The following MAPRE2 variants were observed in gnomAD, a reference collection of about 807,000 sequenced individuals.
MAPRE2 encodes the protein microtubule-associated protein RP/EB family member 2.
In MAPRE2, 13 loss-of-function variants were observed where a neutral mutation model predicts 43.2. The ratio of observed to expected loss-of-function variants is 0.30; its 90% confidence interval spans 0.20 to 0.48. MAPRE2 has a LOEUF of 0.48. Among genes scored for constraint, MAPRE2 ranks in the 20% least tolerant of loss-of-function variants. The pLI is 0.99. For missense variants in MAPRE2, 161 were observed against 400.2 expected, an observed-to-expected ratio of 0.40 and a Z score of 5.10; for synonymous variants, 135 against 148.8, an observed-to-expected ratio of 0.91 and a Z score of 0.68.
intron 4 of MAPRE2, 81 bp downstream of exon 4, chr18:35,102,240 T>C: frequency 9.7e-7 from 1 of 1,026,350 alleles, no homozygotes; most frequent in Non-Finnish European, 1.4e-6. Context: ...TGTGTGTTTC[T>C]GACTGATTCT....
At chr18:35,048,757 A>C (rs998568309) in intron 1 of MAPRE2, among the ~76,000 whole-genome samples, 2 of 149,822 alleles carry the variant, frequency 1.3e-5, no homozygotes, top group Non-Finnish European at 3.0e-5. Flanking sequence ...AATGGTGAGA[A>C]CTGGGCATAT....
At chr18:34,977,295 T>G (rs2097013708) in intron 1 of MAPRE2, among the ~76,000 whole-genome samples, 1 of 152,046 alleles carries the variant, frequency 6.6e-6, no homozygotes, top group South Asian at 2.1e-4. Context: ...ACCCCGCCGC[T>G]CTCCCGCGGG....
At chr18:35,031,783 G>C (rs1189614384) in intron 2 of MAPRE2, among the ~76,000 whole-genome samples, 1 of 152,174 alleles carries the variant, frequency 6.6e-6, no homozygotes, top group Non-Finnish European at 1.5e-5. Flanking sequence ...GCAAAGACAA[G>C]TAATCTCAAA....
At chr18:35,133,022 C>G (rs1421592644) in intron 6 of MAPRE2, among the ~76,000 whole-genome samples, 1 of 152,152 alleles carries the variant, frequency 6.6e-6, no homozygotes, top group Non-Finnish European at 1.5e-5. Context: ...CAGGCTGATG[C>G]TAGTGGAAGT....
At chr18:35,067,727 A>G (rs906711307) in intron 1 of MAPRE2, among the ~76,000 whole-genome samples, 1 of 152,208 alleles carries the variant, frequency 6.6e-6, no homozygotes, top group Non-Finnish European at 1.5e-5. Flanking sequence ...AGAAAAGCCC[A>G]TCAGCTGCCA....
chr18:35,087,032 A>G (rs1247775872), intron 2 of MAPRE2, among the ~76,000 whole-genome samples: 2 of 152,086 alleles, frequency 1.3e-5, no homozygotes, highest in African/African-American at 4.8e-5. Context: ...TGAAAATGAA[A>G]TTGTCTTAGG....
At chr18:35,066,515 C>T (rs1178755827) in intron 1 of MAPRE2, among the ~76,000 whole-genome samples, 1 of 152,196 alleles carries the variant, frequency 6.6e-6, no homozygotes, top group East Asian at 1.9e-4. Flanking sequence ...CAATTTAATA[C>T]TCTCTCACCT....
intron 2 of MAPRE2, among the ~76,000 whole-genome samples, chr18:35,034,785 A>G (rs2097049625): frequency 6.6e-6 from 1 of 152,282 alleles, no homozygotes; most frequent in African/African-American, 2.4e-5. Context: ...TGGCCATCAC[A>G]GAAATGCAAA....
intron 1 of MAPRE2, among the ~76,000 whole-genome samples, chr18:34,980,031 C>CTTTTTTTTTT (rs796434537): frequency 5.4e-3 from 249 of 46,016 alleles, no homozygotes; most frequent in East Asian, 0.011. Flanking sequence ...TTCTTTTTTT[C>CTTTTTTTTTT]TTTTTTTTTT....
chr18:35,014,883 C>T (rs970183527), intron 2 of MAPRE2, among the ~76,000 whole-genome samples: 1 of 152,116 alleles, frequency 6.6e-6, no homozygotes, highest in Non-Finnish European at 1.5e-5. Context: ...AAATCCATGG[C>T]ATTGCCATAG....
intron 1 of MAPRE2, among the ~76,000 whole-genome samples, chr18:35,068,175 A>G (rs956744805): frequency 4.6e-5 from 7 of 152,220 alleles, no homozygotes; most frequent in African/African-American, 1.4e-4. Flanking sequence ...ACTATTTCAT[A>G]AAATGTAGAT....
intron 2 of MAPRE2, among the ~76,000 whole-genome samples, chr18:35,075,413 G>A (rs1176651530): frequency 2.0e-5 from 3 of 152,154 alleles, no homozygotes; most frequent in Non-Finnish European, 4.4e-5. Flanking sequence ...ACAGGTTACC[G>A]ATGAAATCTG....
At chr18:35,131,792 C>G in intron 5 of MAPRE2, 1 of 502,192 alleles carries the variant, frequency 2.0e-6, no homozygotes, top group South Asian at 2.6e-5. Context: ...ACCACTCTGT[C>G]CCTGGTTAAT....
At chr18:35,045,044 G>GT (rs764212733) in intron 1 of MAPRE2, among the ~76,000 whole-genome samples, 1 of 152,170 alleles carries the variant, frequency 6.6e-6, no homozygotes, top group Non-Finnish European at 1.5e-5. Flanking sequence ...ATTGAAAAGA[G>GT]TAAGTACAAA....
At chr18:35,112,055 A>G (rs1909198712) in intron 4 of MAPRE2, among the ~76,000 whole-genome samples, 1 of 152,230 alleles carries the variant, frequency 6.6e-6, no homozygotes, top group Non-Finnish European at 1.5e-5. Context: ...TTTAGAAATC[A>G]TGTAATAATA....
chr18:35,121,215 G>A lies in MAPRE2; in HGVS notation c.611-5733G>A, dbSNP rs757969676. 3.3e-5 allele frequency among the ~76,000 whole-genome samples: 5 copies of A among 152,244 alleles called. No individual in the cohort carries two copies. In the South Asian group the frequency reaches 1.0e-3, roughly 32 times the overall value. ...CCTCATATGCCCAACTTGTTGCAGC[G>A]TTTTCCATAAACATTAAGCAAGCTA... On this transcript the variant is annotated intron_variant, in intron 4 of 6. Transcript: ENST00000300249.
chr18:34,993,449 C>A (rs906063692), intron 1 of MAPRE2, among the ~76,000 whole-genome samples: 1 of 151,890 alleles, frequency 6.6e-6, no homozygotes, highest in South Asian at 2.1e-4. Context: ...CATGCAAGAA[C>A]AAGAAGAAAA....
At chr18:35,094,717 A>G (rs1908321320) in intron 2 of MAPRE2, among the ~76,000 whole-genome samples, 1 of 152,168 alleles carries the variant, frequency 6.6e-6, no homozygotes, top group Admixed American at 6.5e-5. Context: ...ATGGACAGGA[A>G]CCAAAGGATG....
intron 1 of MAPRE2, chr18:35,005,463 C>T: frequency 7.0e-7 from 1 of 1,420,718 alleles, no homozygotes; most frequent in Non-Finnish European, 9.6e-7. Flanking sequence ...TGCTTGCACT[C>T]TTTTTTTCTT....
Sources: gnomAD v4.1 joint callset for allele counts (sites outside exome capture counted in the v4.1 genomes callset) on GRCh38, gnomAD v4.1.1 for gene constraint, MANE v1.5 for transcripts, NCBI Gene and HGNC (gene_info 2026-07-23, HGNC 2026-07-21) for gene names.